The following MGAT5 variants were observed in gnomAD, a reference collection of about 807,000 sequenced individuals.
The protein encoded by MGAT5 is alpha-1,6-mannosylglycoprotein 6-beta-N-acetylglucosaminyltransferase.
A neutral mutation model predicts 94.3 loss-of-function variants in MGAT5; 30 were observed. That is an observed-to-expected ratio of 0.32 (90% CI 0.24 to 0.43). MGAT5 has a LOEUF of 0.43. Ranked by LOEUF, MGAT5 falls within the 20% of genes least tolerant of loss-of-function variation. The probability of loss-of-function intolerance (pLI) is 1.00; values close to 1 mark genes in which losing one functional copy is unlikely to be tolerated. For missense variants in MGAT5, 691 were observed against 905.5 expected (o/e 0.76, Z 3.04); for synonymous variants, 310 against 322.9 (o/e 0.96, Z 0.43).
At position 134,362,318 on chromosome 2, in the gene MGAT5, G is replaced by A; in HGVS notation, c.1290G>A (p.Gln430=). The stretch of plus-strand genomic sequence containing the variant: ...GCTTTCTGGGGTTTGTGGTTGAGCA[G>A]CACCTGAACTCCAGTGATATCCACC... ...DNSFLGFVVE[Q]HLNSSDIHHI... is the part of the protein sequence containing the mutation. The change falls in exon 10 of 16, where the codon CAG becomes CAA. Residue 430 remains glutamine (Q), a synonymous_variant. Transcript: ENST00000281923. 6.2e-7 allele frequency: 1 copy of A among 1,614,028 alleles called. No individual in the cohort carries two copies. Among genetic ancestry groups the A allele is most frequent in the Non-Finnish European group, 8.5e-7 (1 of 1,179,906 alleles).
At chr2:134,430,627 T>C (rs548304255) in intron 14 of MGAT5, among the ~76,000 whole-genome samples, 1 of 152,300 alleles carries the variant, frequency 6.6e-6, no homozygotes, top group South Asian at 2.1e-4. Context: ...TTACCAAAAT[T>C]GTCTGCTGGA....
chr2:134,304,456 C>T (rs1269241250), intron 2 of MGAT5, among the ~76,000 whole-genome samples: 1 of 152,156 alleles, frequency 6.6e-6, no homozygotes, highest in East Asian at 1.9e-4. Context: ...GAACAGACTA[C>T]TTGCTGAAAC....
chr2:134,197,012 T>C (rs1679526337), intron 1 of MGAT5, among the ~76,000 whole-genome samples: 1 of 152,262 alleles, frequency 6.6e-6, no homozygotes, highest in African/African-American at 2.4e-5. Context: ...AAGGACAACC[T>C]TAACACAGTT....
In MGAT5 at chr2:134,276,781, C is replaced by T. The variant is rs567611583; in HGVS notation, c.406+6231C>T. Among the ~76,000 whole-genome samples the T allele has an allele frequency of 3.1e-4, 47 of 152,268 alleles. 1 individual carries two copies. The South Asian group carries it at 8.9e-3, about 29-fold the overall frequency. ...AATGCATATGAATGGGTGAGAGAGA[C>T]TGCATTTAATCTTCAGTTAGGAGGA... On this transcript the variant is annotated intron_variant, in intron 2 of 15. Coordinates refer to ENST00000281923, the MANE Select transcript of MGAT5 (RefSeq NM_002410.5).
At chr2:134,301,051 C>G (rs1685985473) in intron 2 of MGAT5, among the ~76,000 whole-genome samples, 1 of 152,134 alleles carries the variant, frequency 6.6e-6, no homozygotes, top group African/African-American at 2.4e-5. Flanking sequence ...GCACTCTCTA[C>G]TCTGATTTCA....
At chr2:134,140,201 C>T (rs1227545796) in intron 1 of MGAT5, among the ~76,000 whole-genome samples, 1 of 152,114 alleles carries the variant, frequency 6.6e-6, no homozygotes, top group Non-Finnish European at 1.5e-5. Flanking sequence ...AATAGGAGAA[C>T]CACTGGCTAC....
At chr2:134,443,980 G>A (rs770723359) in intron 15 of MGAT5, among the ~76,000 whole-genome samples, 49 of 152,194 alleles carry the variant, frequency 3.2e-4, no homozygotes, top group South Asian at 4.1e-4. Context: ...CTGTGCTCAG[G>A]GTCTGGCTCA....
At chr2:134,182,792 T>TG (rs1208492011) in intron 1 of MGAT5, among the ~76,000 whole-genome samples, 1 of 141,918 alleles carries the variant, frequency 7.0e-6, no homozygotes, top group Non-Finnish European at 1.5e-5. Context: ...TTTTTTTTTT[T>TG]TTTTTTTTTT....
chr2:134,155,609 A>G (rs929034362), intron 1 of MGAT5, among the ~76,000 whole-genome samples: 3 of 152,142 alleles, frequency 2.0e-5, no homozygotes, highest in Admixed American at 1.3e-4. Flanking sequence ...TTTATTGTCA[A>G]TATTCTACTA....
At chr2:134,348,486 G>A (rs1294754343) in intron 8 of MGAT5, among the ~76,000 whole-genome samples, 2 of 152,120 alleles carry the variant, frequency 1.3e-5, no homozygotes, top group Non-Finnish European at 2.9e-5. Flanking sequence ...CTAGCACACA[G>A]AAATGAAAAT....
At chr2:134,339,395 T>C (rs1688505323) in intron 6 of MGAT5, among the ~76,000 whole-genome samples, 1 of 152,220 alleles carries the variant, frequency 6.6e-6, no homozygotes, top group Admixed American at 6.5e-5. Context: ...TATCTATGTA[T>C]ACATAAAGAT....
At chr2:134,245,507 A>G (rs1682203911) in intron 1 of MGAT5, among the ~76,000 whole-genome samples, 2 of 152,110 alleles carry the variant, frequency 1.3e-5, no homozygotes, top group Non-Finnish European at 2.9e-5. Flanking sequence ...CATCCAAGAG[A>G]CTAAGTCAGG....
intron 4 of MGAT5, among the ~76,000 whole-genome samples, chr2:134,330,553 T>TTGTGTGTGTGTGTGTGTG (rs1687901210): frequency 2.8e-5 from 2 of 71,756 alleles, no homozygotes; most frequent in Admixed American, 2.9e-4. Flanking sequence ...TTAAATTGTG[T>TTGTGTGTGTGTGTGTGTG]AGTGTGTGTG....
chr2:134,296,939 C>T (rs1479208517), intron 2 of MGAT5, among the ~76,000 whole-genome samples: 1 of 152,022 alleles, frequency 6.6e-6, no homozygotes, highest in Non-Finnish European at 1.5e-5. Flanking sequence ...TGGCTCATAC[C>T]TGTAATTCTA....
chr2:134,399,438 C>G (rs1223623314), intron 10 of MGAT5, among the ~76,000 whole-genome samples: 1 of 152,230 alleles, frequency 6.6e-6, no homozygotes, highest in Admixed American at 6.5e-5. Context: ...AGCATGCGCT[C>G]TCCTTCCCTT....
intron 9 of MGAT5, among the ~76,000 whole-genome samples, chr2:134,361,527 G>A (rs890460670): frequency 6.6e-6 from 1 of 152,170 alleles, no homozygotes; most frequent in Non-Finnish European, 1.5e-5. Context: ...GAGAGGGTGT[G>A]GGGTTGCTGT....
intron 1 of MGAT5, among the ~76,000 whole-genome samples, chr2:134,263,844 T>TA (rs1339418417): frequency 4.0e-5 from 6 of 151,802 alleles, no homozygotes; most frequent in African/African-American, 1.5e-4. Context: ...TGGAGAAGAA[T>TA]AAAGAATAAA....
intron 2 of MGAT5, among the ~76,000 whole-genome samples, chr2:134,294,647 C>G (rs1270153670): frequency 6.6e-6 from 1 of 152,126 alleles, no homozygotes; most frequent in Non-Finnish European, 1.5e-5. Context: ...ATTCAAAGAC[C>G]TGTGCTAACA....
chr2:134,172,029 A>G (rs1688234599), intron 1 of MGAT5, among the ~76,000 whole-genome samples: 1 of 152,214 alleles, frequency 6.6e-6, no homozygotes, highest in Admixed American at 6.5e-5. Flanking sequence ...TTTTCAGAGT[A>G]ATTGGACAAG....
Sources: allele counts gnomAD v4.1 joint callset (sites outside exome capture counted in the v4.1 genomes callset), GRCh38; gene constraint gnomAD v4.1.1; transcripts MANE v1.5; gene names NCBI Gene and HGNC (gene_info 2026-07-23, HGNC 2026-07-21).